Variants in ADK observed in about 807,000 individuals in gnomAD.
The protein encoded by ADK is adenosine kinase.
In ADK, 24 loss-of-function variants were observed where a neutral mutation model predicts 44.7. That is an observed-to-expected ratio of 0.54 (90% confidence interval 0.39 to 0.76). The LOEUF is 0.76. Among genes scored for constraint, ADK ranks in the 30% least tolerant of loss-of-function variants. The probability of loss-of-function intolerance (pLI) is 0.00; values close to 1 mark genes in which losing one functional copy is unlikely to be tolerated. For missense variants in ADK, 321 were observed against 425.1 expected, an observed-to-expected ratio of 0.76 and a Z score of 2.15; for synonymous variants, 128 against 142.6, an observed-to-expected ratio of 0.90 and a Z score of 0.73.
chr10:74,303,665 G>A (rs1028053499), intron 3 of ADK, among the ~76,000 whole-genome samples: 5 of 119,434 alleles, frequency 4.2e-5, no homozygotes, highest in African/African-American at 1.6e-4. Flanking sequence ...AATTTTCAAA[G>A]TCCTTGCTTT....
chr10:74,417,845 G>T (rs1343590599), intron 6 of ADK, among the ~76,000 whole-genome samples: 1 of 151,750 alleles, frequency 6.6e-6, no homozygotes, highest in Non-Finnish European at 1.5e-5. Flanking sequence ...CAAAAATAGT[G>T]ATAAGCATAT....
chr10:74,621,173 T>C (rs1208356246), intron 9 of ADK, among the ~76,000 whole-genome samples: 2 of 152,344 alleles, frequency 1.3e-5, no homozygotes, highest in South Asian at 2.1e-4. Flanking sequence ...GTTTCCCTTA[T>C]GTTTCCTTCT....
At chr10:74,660,527 T>G (rs1426121837) in intron 9 of ADK, among the ~76,000 whole-genome samples, 1 of 148,366 alleles carries the variant, frequency 6.7e-6, no homozygotes, top group Non-Finnish European at 1.5e-5. Context: ...TACTTGAGCC[T>G]AGGAGTTTGA....
chr10:74,371,342 A>G (rs1049828749), intron 4 of ADK, among the ~76,000 whole-genome samples: 2 of 152,226 alleles, frequency 1.3e-5, no homozygotes, highest in African/African-American at 4.8e-5. Context: ...AATAAAAGGC[A>G]TTTATATTGG....
intron 1 of ADK, among the ~76,000 whole-genome samples, chr10:74,181,138 A>C (rs1290489910): frequency 6.6e-6 from 1 of 152,190 alleles, no homozygotes; most frequent in Non-Finnish European, 1.5e-5. Flanking sequence ...TCAAGTTCAC[A>C]CAGTTACATA....
chr10:74,592,386 T>C (rs1339580360), intron 8 of ADK, among the ~76,000 whole-genome samples: 1 of 152,142 alleles, frequency 6.6e-6, no homozygotes, highest in Non-Finnish European at 1.5e-5. Flanking sequence ...CAAAAGCATG[T>C]TTCATTATAA....
At chr10:74,604,343 G>A (rs1283029470) in intron 9 of ADK, among the ~76,000 whole-genome samples, 2 of 152,062 alleles carry the variant, frequency 1.3e-5, no homozygotes, top group African/African-American at 4.8e-5. Context: ...TGTCCTGAAT[G>A]GTATTACCTA....
chr10:74,309,446 A>G (rs1840362557), intron 3 of ADK, among the ~76,000 whole-genome samples: 1 of 152,172 alleles, frequency 6.6e-6, no homozygotes, highest in Non-Finnish European at 1.5e-5. Flanking sequence ...AGGATAATGA[A>G]TCTAAATTTT....
chr10:74,330,275 G>A (rs1841172451), intron 4 of ADK, among the ~76,000 whole-genome samples: 1 of 152,136 alleles, frequency 6.6e-6, no homozygotes. Context: ...AGCCAGGTGT[G>A]GTGGTGCATA....
chr10:74,230,716 T>C (rs1220545018), intron 3 of ADK, among the ~76,000 whole-genome samples: 1 of 150,024 alleles, frequency 6.7e-6, no homozygotes, highest in Non-Finnish European at 1.5e-5. Context: ...GGAGTCTCAC[T>C]CTGTTGCCAG....
At chr10:74,630,040 G>A (rs576838467) in intron 9 of ADK, among the ~76,000 whole-genome samples, 51 of 152,074 alleles carry the variant, frequency 3.4e-4, no homozygotes, top group African/African-American at 1.2e-3. Flanking sequence ...ATGCAAGAAT[G>A]TTCTTCATAG....
intron 6 of ADK, among the ~76,000 whole-genome samples, chr10:74,410,054 T>C (rs768972820): frequency 4.6e-5 from 7 of 152,164 alleles, no homozygotes; most frequent in African/African-American, 7.2e-5. Context: ...TAAGAAATCA[T>C]ATGTTTGAAA....
chr10:74,169,960 A>G (rs952346167), intron 1 of ADK, among the ~76,000 whole-genome samples: 1 of 152,246 alleles, frequency 6.6e-6, no homozygotes, highest in East Asian at 1.9e-4. Context: ...TGATTTGTCA[A>G]AAGTAATAAA....
At chr10:74,312,425 C>CT (rs61133957) in intron 3 of ADK, among the ~76,000 whole-genome samples, 18,777 of 136,690 alleles carry the variant, frequency 0.14, 1,256 homozygotes, top group Middle Eastern at 0.2. Context: ...CAGACATTCA[C>CT]TTTTTTTTTT....
chr10:74,310,814 T>C (rs1398190869), intron 3 of ADK, among the ~76,000 whole-genome samples: 1 of 152,194 alleles, frequency 6.6e-6, no homozygotes. Context: ...GAATACGTCA[T>C]GTTTATTGTT....
intron 4 of ADK, among the ~76,000 whole-genome samples, chr10:74,315,697 T>C (rs992447106): frequency 3.9e-5 from 6 of 152,170 alleles, no homozygotes; most frequent in Non-Finnish European, 7.3e-5. Flanking sequence ...AAGTGGAAAA[T>C]TGACAAATAA....
intron 9 of ADK, among the ~76,000 whole-genome samples, chr10:74,623,007 CAAAAACAAAAAACA>C (rs574812553): frequency 3.9e-5 from 6 of 152,084 alleles, no homozygotes; most frequent in Admixed American, 3.9e-4. Context: ...AACTCCGTCT[CAAAAACAAAAAACA>C]AAAAACAAAA....
At chr10:74,191,992 T>A (rs1842967151) in intron 1 of ADK, among the ~76,000 whole-genome samples, 1 of 152,212 alleles carries the variant, frequency 6.6e-6, no homozygotes, top group Non-Finnish European at 1.5e-5. Context: ...CACTGTAATT[T>A]TGTAACTTCG....
At chr10:74,513,103 G>A (rs1467404014) in intron 6 of ADK, among the ~76,000 whole-genome samples, 7 of 151,818 alleles carry the variant, frequency 4.6e-5, no homozygotes, top group South Asian at 2.1e-4. Flanking sequence ...CTAAGTTTAC[G>A]CCATTGTGTT....
Sources: allele counts gnomAD v4.1 joint callset (sites outside exome capture counted in the v4.1 genomes callset), GRCh38; gene constraint gnomAD v4.1.1; transcripts MANE v1.5; gene names NCBI Gene and HGNC (gene_info 2026-07-23, HGNC 2026-07-21).